Variants in RSRC1 observed in about 807,000 individuals in gnomAD.
The protein encoded by RSRC1 is arginine and serine rich coiled-coil 1.
A neutral mutation model predicts 49.1 loss-of-function variants in RSRC1; 39 were observed. The ratio of observed to expected loss-of-function variants is 0.79; its 90% confidence interval spans 0.61 to 1.04. The LOEUF (loss-of-function observed/expected upper bound fraction) is 1.04. RSRC1 is among the 50% of genes least tolerant of loss of function. RSRC1 has a pLI of 0.00. For missense variants in RSRC1, 388 were observed against 402.4 expected, an observed-to-expected ratio of 0.96 and a Z score of 0.31; for synonymous variants, 143 against 130.8, an observed-to-expected ratio of 1.09 and a Z score of -0.63.
chr3:158,284,270 AT>A (rs1726369066), intron 4 of RSRC1, among the ~76,000 whole-genome samples: 1 of 151,500 alleles, frequency 6.6e-6, no homozygotes, highest in Non-Finnish European at 1.5e-5. Flanking sequence ...TATGTGCCAC[AT>A]TTTCTTAATC....
intron 5 of RSRC1, chr3:158,336,345 T>C (rs1003376932): frequency 6.6e-6 from 1 of 152,208 alleles, no homozygotes; most frequent in Non-Finnish European, 1.5e-5. Flanking sequence ...CCAATCATAA[T>C]GTTCTGGGGT....
chr3:158,241,918 A>G (rs1723604441), intron 4 of RSRC1, among the ~76,000 whole-genome samples: 1 of 152,000 alleles, frequency 6.6e-6, no homozygotes, highest in Non-Finnish European at 1.5e-5. Flanking sequence ...CATTTAAAAT[A>G]TACAATTTAG....
intron 3 of RSRC1, among the ~76,000 whole-genome samples, chr3:158,175,256 T>G (rs994309745): frequency 6.6e-6 from 1 of 152,136 alleles, no homozygotes; most frequent in Non-Finnish European, 1.5e-5. Flanking sequence ...AAATATCTTC[T>G]TCCATTCTGT....
intron 1 of RSRC1, among the ~76,000 whole-genome samples, chr3:158,114,372 T>C (rs1411216880): frequency 1.3e-5 from 2 of 152,214 alleles, no homozygotes; most frequent in South Asian, 2.1e-4. Context: ...GTCTTTATAC[T>C]AGTACCATGC....
At position 158,195,125 on chromosome 3, in the gene RSRC1, G is replaced by A. The variant is rs1397901390; in HGVS notation, c.321-7947G>A. 3.9e-5 allele frequency among the ~76,000 whole-genome samples: 6 copies of A among 152,308 alleles called. No individual in the cohort carries two copies. In the South Asian group the frequency reaches 1.2e-3, roughly 32 times the overall value. On this transcript the variant is annotated intron_variant, in intron 3 of 9. Coordinates refer to ENST00000611884, the MANE Select transcript of RSRC1 (RefSeq NM_001271838.2). ...TTACAGTCCCACCAACAGTGTAAAA[G>A]TGTTGCTGTTTCTCCACATCCTCTC...
intron 3 of RSRC1, among the ~76,000 whole-genome samples, chr3:158,188,115 C>T (rs901638509): frequency 1.3e-4 from 20 of 151,786 alleles, no homozygotes. Context: ...TAATTTTGTT[C>T]CAGTGCTAAT....
chr3:158,471,954 T>A (rs1387773522), intron 7 of RSRC1, among the ~76,000 whole-genome samples: 1 of 152,150 alleles, frequency 6.6e-6, no homozygotes, highest in East Asian at 1.9e-4. Context: ...TTGTTTTTTG[T>A]GAAACGACAA....
chr3:158,473,227 G>A (rs763036613), intron 7 of RSRC1, among the ~76,000 whole-genome samples: 12 of 152,016 alleles, frequency 7.9e-5, no homozygotes, highest in Non-Finnish European at 1.6e-4. Context: ...TGTTTATCGC[G>A]GCACTACTCA....
chr3:158,369,377 A>G (rs2108264481), intron 6 of RSRC1, among the ~76,000 whole-genome samples: 1 of 152,172 alleles, frequency 6.6e-6, no homozygotes, highest in East Asian at 1.9e-4. Flanking sequence ...TTAGGGGAAA[A>G]TGATGAATAC....
At chr3:158,452,862 C>T (rs1737117449) in intron 6 of RSRC1, among the ~76,000 whole-genome samples, 2 of 152,208 alleles carry the variant, frequency 1.3e-5, no homozygotes, top group South Asian at 2.1e-4. Flanking sequence ...GTGACCACTG[C>T]AGTTGGGTAG....
At chr3:158,260,648 G>A (rs577365817) in intron 4 of RSRC1, among the ~76,000 whole-genome samples, 3 of 152,284 alleles carry the variant, frequency 2.0e-5, no homozygotes, top group East Asian at 1.9e-4. Context: ...AGGAATTACA[G>A]TTCTTGTGGC....
chr3:158,303,247 G>A (rs1480026657), intron 5 of RSRC1: 2 of 152,192 alleles, frequency 1.3e-5, no homozygotes, highest in African/African-American at 4.8e-5. Context: ...AAGTCGAGCT[G>A]TATGAAAAAT....
At chr3:158,367,398 T>G (rs1280776024) in intron 6 of RSRC1, among the ~76,000 whole-genome samples, 1 of 152,222 alleles carries the variant, frequency 6.6e-6, no homozygotes, top group Non-Finnish European at 1.5e-5. Context: ...AATAATCATG[T>G]GGTTTTTGTC....
Position 158,227,307 on chromosome 3 carries a change from C to T in RSRC1, c.494+24062C>T, listed in dbSNP as rs183531105. On this transcript the variant is annotated intron_variant, in intron 4 of 9. Transcript: ENST00000611884. ...TCCTTGTCCTGCCCTCTTCCCTCTG[C>T]CCCCAAGATTAGACGAGTGGTTTTC... Among the ~76,000 whole-genome samples the T allele has an allele frequency of 2.6e-3, 391 of 152,010 alleles. 3 individuals are homozygous for T. The highest frequency in any genetic ancestry group is 8.8e-3 in the African/African-American group (365 of 41,532).
intron 6 of RSRC1, among the ~76,000 whole-genome samples, chr3:158,444,031 A>G (rs757465461): frequency 3.9e-5 from 6 of 152,176 alleles, no homozygotes; most frequent in Non-Finnish European, 7.4e-5. Flanking sequence ...GCATCCCAAA[A>G]CACAGCAGTA....
chr3:158,456,069 G>T (rs1737299331), intron 6 of RSRC1, among the ~76,000 whole-genome samples: 1 of 147,586 alleles, frequency 6.8e-6, no homozygotes, highest in Non-Finnish European at 1.5e-5. Flanking sequence ...CATTCGTTTA[G>T]GAAACATTCC....
chr3:158,222,526 G>A (rs1185630843), intron 4 of RSRC1, among the ~76,000 whole-genome samples: 1 of 151,240 alleles, frequency 6.6e-6, no homozygotes, highest in Non-Finnish European at 1.5e-5. Context: ...TATAATTTTT[G>A]TCAATTAAAC....
chr3:158,432,079 G>A (rs1377931652), intron 6 of RSRC1, among the ~76,000 whole-genome samples: 1 of 151,924 alleles, frequency 6.6e-6, no homozygotes, highest in Non-Finnish European at 1.5e-5. Flanking sequence ...CAGGCAGCAC[G>A]CTGCTTTGTG....
chr3:158,135,543 G>A (rs988340231), intron 3 of RSRC1, among the ~76,000 whole-genome samples: 3 of 151,592 alleles, frequency 2.0e-5, no homozygotes, highest in Admixed American at 6.6e-5. Context: ...GCCTCCCAAA[G>A]TGCTGGGATT....
Sources: gnomAD v4.1 joint callset for allele counts (sites outside exome capture counted in the v4.1 genomes callset) on GRCh38, gnomAD v4.1.1 for gene constraint, MANE v1.5 for transcripts, NCBI Gene and HGNC (gene_info 2026-07-23, HGNC 2026-07-21) for gene names.